Variants in CSMD3 observed in about 807,000 individuals in gnomAD.
CSMD3 encodes the protein CUB and sushi domain-containing protein 3.
In CSMD3, 177 loss-of-function variants were observed where a neutral mutation model predicts 435.2. That is an observed-to-expected ratio of 0.41 (90% confidence interval 0.36 to 0.46). The LOEUF (loss-of-function observed/expected upper bound fraction) is 0.46, where lower values mean the gene tolerates loss of function less well. Ranked by LOEUF, CSMD3 falls within the 20% of genes least tolerant of loss-of-function variation. The pLI is 0.34. For missense variants in CSMD3, 4,265 were observed against 4,504.6 expected, an observed-to-expected ratio of 0.95 and a Z score of 1.52; for synonymous variants, 1,656 against 1,520.5, an observed-to-expected ratio of 1.09 and a Z score of -2.07.
rs777153677 is a variant in CSMD3, at chr8:112,650,300, A to C, written c.3054T>G (p.His1018Gln). 6.2e-7 allele frequency: 1 copy of C among 1,613,908 alleles called. No homozygotes were observed. Among genetic ancestry groups the C allele is most frequent in the Non-Finnish European group, 8.5e-7 (1 of 1,179,858 alleles). Residue 1018 changes from histidine (H) to glutamine (Q), a missense_variant, in exon 19 of 71, where the codon CAT (histidine) becomes CAG (glutamine). By Grantham distance (24) the His-to-Gln change is conservative. Coordinates refer to ENST00000297405, the MANE Select transcript of CSMD3 (RefSeq NM_198123.2). ...AGAAATCATGACCATAGCGACGGCC[A>C]TGTACAGGTATGCCAGGGTCCAAAC... ...YSCLDPGIPV[H>Q]GRRYGHDFSI...
chr8:112,738,404 T>C (rs2077232042), intron 13 of CSMD3, among the ~76,000 whole-genome samples: 1 of 151,806 alleles, frequency 6.6e-6, no homozygotes. Flanking sequence ...AATTATTCAC[T>C]AATGAACTAT....
At chr8:112,524,467 T>A (rs1181830711) in intron 27 of CSMD3, among the ~76,000 whole-genome samples, 1 of 152,080 alleles carries the variant, frequency 6.6e-6, no homozygotes, top group African/African-American at 2.4e-5. Flanking sequence ...ATTCGTTAAA[T>A]ATTTACTAAG....
chr8:112,293,174 TGAG>T (rs1819948793), intron 54 of CSMD3, among the ~76,000 whole-genome samples: 1 of 151,918 alleles, frequency 6.6e-6, no homozygotes, highest in Admixed American at 6.6e-5. Context: ...GAGGATTGCT[TGAG>T]GAGAAGAGTT....
intron 13 of CSMD3, among the ~76,000 whole-genome samples, chr8:112,769,880 T>G (rs780682282): frequency 6.6e-6 from 1 of 151,952 alleles, no homozygotes; most frequent in Non-Finnish European, 1.5e-5. Flanking sequence ...ATAAAGGGAA[T>G]CTATGGCAGT....
rs537761070 is a variant in CSMD3, at chr8:112,487,084, G to C, written c.5278+5405C>G. Among the ~76,000 whole-genome samples the C allele has an allele frequency of 7.2e-4, 110 of 152,280 alleles. 1 individual carries two copies. Among genetic ancestry groups the C allele is most frequent in the African/African-American group, 2.5e-3 (105 of 41,580 alleles). On this transcript the variant is annotated intron_variant, in intron 31 of 70. Coordinates refer to ENST00000297405, the MANE Select transcript of CSMD3 (RefSeq NM_198123.2). The stretch of plus-strand genomic sequence containing the variant: ...ACGTTGTAACAATGGAAAAGATTAA[G>C]AATATTTCATTTGTACGGTGGTCAG...
Position 112,656,212 on chromosome 8 carries a change from G to A in CSMD3, c.2946C>T (p.Tyr982=), listed in dbSNP as rs978257996. The A allele has an allele frequency of 3.2e-6, 5 of 1,586,682 alleles. No homozygotes were observed. Among genetic ancestry groups the A allele is most frequent in the Admixed American group, 1.7e-5 (1 of 59,922 alleles). The change falls in exon 18 of 71, where the codon TAC becomes TAT. Residue 982 remains tyrosine, a synonymous_variant. Coordinates refer to ENST00000297405, the MANE Select transcript of CSMD3 (RefSeq NM_198123.2). ...GACTGTTGTCTGTTGTAAATAGAAG[G>A]TATATAAAATTACTGCTACTAAATA... ...QFLFSSSNFI[Y]LLFTTDNSRS...
chr8:112,929,573 G>T (rs973258121), intron 9 of CSMD3, among the ~76,000 whole-genome samples: 1 of 151,834 alleles, frequency 6.6e-6, no homozygotes, highest in Non-Finnish European at 1.5e-5. Flanking sequence ...GTCAGATTTT[G>T]TGTCTTAATT....
chr8:113,180,377 T>G (rs1312749370), intron 3 of CSMD3, among the ~76,000 whole-genome samples: 1 of 152,044 alleles, frequency 6.6e-6, no homozygotes, highest in East Asian at 1.9e-4. Context: ...CCTGGGGACT[T>G]CAGTTTGAGC....
intron 31 of CSMD3, among the ~76,000 whole-genome samples, chr8:112,486,061 G>A (rs1191161753): frequency 6.6e-6 from 1 of 150,454 alleles, no homozygotes; most frequent in Non-Finnish European, 1.5e-5. Flanking sequence ...ACTGTCCAGA[G>A]TTGTATTTCA....
At chr8:112,831,670 C>A (rs993202588) in intron 11 of CSMD3, among the ~76,000 whole-genome samples, 5 of 149,992 alleles carry the variant, frequency 3.3e-5, no homozygotes, top group African/African-American at 9.8e-5. Context: ...GTTTTGGCAT[C>A]TTTTTTCCTC....
chr8:112,501,687 T>C (rs981906236), intron 30 of CSMD3, among the ~76,000 whole-genome samples: 1 of 152,198 alleles, frequency 6.6e-6, no homozygotes, highest in Non-Finnish European at 1.5e-5. Context: ...CTCTTTGGTA[T>C]ACAGATGTCC....
At chr8:112,883,243 A>T (rs902634228) in intron 10 of CSMD3, among the ~76,000 whole-genome samples, 1 of 152,028 alleles carries the variant, frequency 6.6e-6, no homozygotes, top group Non-Finnish European at 1.5e-5. Context: ...TTGACAAATG[A>T]TTTAAAATAT....
chr8:112,952,122 TA>T (rs1243369165), intron 8 of CSMD3, among the ~76,000 whole-genome samples: 2 of 151,050 alleles, frequency 1.3e-5, no homozygotes, highest in African/African-American at 2.4e-5. Flanking sequence ...ACGGGGTAGA[TA>T]GGGGCAATTC....
chr8:112,583,266 A>C (rs1830468303), intron 23 of CSMD3, among the ~76,000 whole-genome samples: 1 of 151,964 alleles, frequency 6.6e-6, no homozygotes, highest in Non-Finnish European at 1.5e-5. Context: ...GAAATAGAGA[A>C]AAATGAGGAG....
intron 27 of CSMD3, among the ~76,000 whole-genome samples, chr8:112,541,305 G>T (rs1458708158): frequency 2.0e-5 from 3 of 151,586 alleles, no homozygotes. Context: ...ATAGAAAATA[G>T]AAAAACAATT....
At chr8:112,849,914 A>G (rs1338044821) in intron 11 of CSMD3, among the ~76,000 whole-genome samples, 1 of 152,092 alleles carries the variant, frequency 6.6e-6, no homozygotes, top group Non-Finnish European at 1.5e-5. Context: ...TGACTGTAAG[A>G]GTCAATGCCT....
In CSMD3 at chr8:112,942,362, G is replaced by A. The variant is rs558990953; in HGVS notation, c.1508+5428C>T. 1.1e-4 allele frequency among the ~76,000 whole-genome samples: 16 copies of A among 151,466 alleles called. No individual in the cohort carries two copies. In the East Asian group the frequency reaches 1.2e-3, roughly 11 times the overall value. On this transcript the variant is annotated intron_variant, in intron 9 of 70. Coordinates refer to ENST00000297405, the MANE Select transcript of CSMD3 (RefSeq NM_198123.2). ...TTCAACCCAGTAATACCATTATTGC[G>A]TATATACCCAAAGGAAAATAAATTG...
intron 35 of CSMD3, among the ~76,000 whole-genome samples, chr8:112,395,969 T>A (rs969104639): frequency 1.3e-5 from 2 of 152,180 alleles, no homozygotes; most frequent in African/African-American, 4.8e-5. Context: ...GATTATTAAA[T>A]ATTGTTTAAA....
At chr8:113,179,125 T>G (rs138289518) in intron 3 of CSMD3, among the ~76,000 whole-genome samples, 207 of 151,816 alleles carry the variant, frequency 1.4e-3, no homozygotes, top group African/African-American at 4.6e-3. Flanking sequence ...AAATTAATTT[T>G]AAAAAAATTA....
Sources: gnomAD v4.1 joint callset for allele counts (sites outside exome capture counted in the v4.1 genomes callset) on GRCh38, gnomAD v4.1.1 for gene constraint, MANE v1.5 for transcripts, NCBI Gene and HGNC (gene_info 2026-07-23, HGNC 2026-07-21) for gene names.